The following QSOX2 variants were observed in gnomAD, a reference collection of about 807,000 sequenced individuals.
QSOX2 encodes the protein sulfhydryl oxidase 2.
A neutral mutation model predicts 61.7 loss-of-function variants in QSOX2; 46 were observed. That is an observed-to-expected ratio of 0.75 (90% CI 0.59 to 0.95). QSOX2 has a LOEUF of 0.95. QSOX2 is among the 40% of genes least tolerant of loss of function. QSOX2 has a pLI of 0.00. For missense variants in QSOX2, 879 were observed against 918.9 expected (o/e 0.96, Z 0.56); for synonymous variants, 383 against 388.4 (o/e 0.99, Z 0.16).
chr9:136,220,495 G>A (rs910729194), intron 6 of QSOX2, among the ~76,000 whole-genome samples: 13 of 152,340 alleles, frequency 8.5e-5, no homozygotes, highest in African/African-American at 2.9e-4. Flanking sequence ...CCGGCGTGGT[G>A]AGTCACCAAG....
At chr9:136,237,799 T>A (rs1564298179) in intron 1 of QSOX2, among the ~76,000 whole-genome samples, 1 of 152,220 alleles carries the variant, frequency 6.6e-6, no homozygotes, top group Non-Finnish European at 1.5e-5. Flanking sequence ...CCTGTGCCAG[T>A]GTCCAAGTAG....
At chr9:136,236,716 G>C (rs567159686) in intron 1 of QSOX2, among the ~76,000 whole-genome samples, 1 of 150,904 alleles carries the variant, frequency 6.6e-6, no homozygotes, top group Non-Finnish European at 1.5e-5. Context: ...CCTGCGTCAC[G>C]TGGAGCTCGT....
rs1327243645 is a variant in QSOX2, at chr9:136,222,836, C to T, written c.676-895G>A. ...GCGTGTGTGGAGGCCCCGCCCGAGA[C>T]AGCAAGGGCACGAGGGGCCTTGGGA... On this transcript the variant is annotated intron_variant, in intron 5 of 11. Transcript: ENST00000358701. This position sits in a 1 kb window ranked among gnomAD's most constrained non-coding sequence, Gnocchi z 6.9. Among the ~76,000 whole-genome samples the T allele has an allele frequency of 2.0e-5, 3 of 152,254 alleles. No individual in the cohort carries two copies. The highest frequency in any genetic ancestry group is 1.3e-4 in the Admixed American group (2 of 15,292).
In QSOX2 at chr9:136,224,901, T is replaced by C. The variant is rs752607972; in HGVS notation, c.438A>G (p.Lys146=). 2.8e-5 allele frequency: 45 copies of C among 1,605,212 alleles called. No individual in the cohort carries two copies. Among genetic ancestry groups the C allele is most frequent in the Non-Finnish European group, 3.8e-5 (45 of 1,174,874 alleles). ...IHFYPTFRYF[K]AFTKEFTTGE... is the part of the protein sequence containing the mutation. ...CAGTTGTAAACTCCTTTGTAAATGC[T>C]TTAAAATACTAAGAGGAAAAACACA... Residue 146 remains lysine (K), a synonymous_variant, in exon 3 of 12, where the codon AAA becomes AAG. Transcript: ENST00000358701.
At chr9:136,213,243 GTTTTTTTTTT>G (rs398046934) in intron 10 of QSOX2, among the ~76,000 whole-genome samples, 3 of 111,046 alleles carry the variant, frequency 2.7e-5, no homozygotes, top group Admixed American at 1.9e-4. Flanking sequence ...GTTTTGTTGT[GTTTTTTTTTT>G]TTTTTTTTTT....
rs1001984217 is a variant in QSOX2 at position 136,245,492 on chromosome 9, C to T, written c.312G>A (p.Leu104=). ...CIGYAPTWRA[L]AGDVRDWASA... ...GCGCCTCACCTCGCACATCCCCAGC[C>T]AGGGCCCGCCAAGTGGGCGCGTAGC... Residue 104 remains leucine (L), a synonymous_variant, in exon 1 of 12, where the codon CTG becomes CTA. Transcript: ENST00000358701. The T allele has an allele frequency of 1.3e-6, 2 of 1,592,526 alleles. No homozygotes were observed. The highest frequency in any genetic ancestry group is 8.5e-7 in the Non-Finnish European group (1 of 1,176,948).
At chr9:136,234,928 G>C (rs572570582) in intron 1 of QSOX2, among the ~76,000 whole-genome samples, 1 of 152,218 alleles carries the variant, frequency 6.6e-6, no homozygotes, top group African/African-American at 2.4e-5. Flanking sequence ...TGTGACCCCC[G>C]CTCCCTTTAC....
At chr9:136,237,276 C>A (rs1399438538) in intron 1 of QSOX2, among the ~76,000 whole-genome samples, 1 of 143,946 alleles carries the variant, frequency 6.9e-6, no homozygotes, top group Non-Finnish European at 1.5e-5. Context: ...TCACCTGGAG[C>A]CCGTCCTGGG....
rs1457264060 is a variant in QSOX2, at chr9:136,209,395, G to A, written c.1550-120C>T. 1 of 1,511,300 alleles carries A rather than the reference G, an allele frequency of 6.6e-7. No homozygotes were observed. Among genetic ancestry groups the A allele is most frequent in the African/African-American group, 1.4e-5 (1 of 71,706 alleles). The allele number at this position is 1,511,300 out of a possible 1,614,324, so 93.6% of individuals were successfully genotyped here. On this transcript the variant is annotated intron_variant, in intron 11 of 11. Coordinates refer to ENST00000358701, the MANE Select transcript of QSOX2 (RefSeq NM_181701.4). This position sits in a 1 kb window ranked among gnomAD's most constrained non-coding sequence, Gnocchi z 5.6. Reference sequence around the variant, plus strand: ...CGGGCCTCCACTGCCCTGGCCCAGGGTCCTGCCAGGCCTCCCTCCCTGCCC... The same window carrying A: ...CGGGCCTCCACTGCCCTGGCCCAGGATCCTGCCAGGCCTCCCTCCCTGCCC...
intron 2 of QSOX2, among the ~76,000 whole-genome samples, chr9:136,226,170 G>A (rs1181552833): frequency 1.3e-5 from 2 of 152,226 alleles, no homozygotes; most frequent in African/African-American, 4.8e-5. Context: ...CCAGGAAGTG[G>A]GCCCAAGGCG....
chr9:136,208,695 G>T lies in QSOX2; in HGVS notation c.*33C>A. ...GCACGGGGCAGGGCTGCCTCCAAGG[G>T]AGCTTCCGCCGTGGCTGGCAGCACC... is the stretch of plus-strand genomic sequence containing the variant. On this transcript the variant is annotated 3_prime_UTR_variant, in exon 12 of 12. Transcript: ENST00000358701. 1 of 1,578,670 alleles carries T rather than the reference G, an allele frequency of 6.3e-7. No individual in the cohort carries two copies. Among genetic ancestry groups the T allele is most frequent in the Non-Finnish European group, 8.6e-7 (1 of 1,159,588 alleles).
rs369427786 is a variant in QSOX2 at position 136,216,499 on chromosome 9, G to A, written c.1209+101C>T. 182 of 1,498,820 alleles carry A rather than the reference G, an allele frequency of 1.2e-4. No homozygotes were observed. In the African/African-American group the frequency reaches 1.5e-3, roughly 13 times the overall value. The allele number at this position is 1,498,820 out of a possible 1,614,324, so 92.8% of individuals were successfully genotyped here. ...AGTCACTGCTCCCCTTCCTCACAGCGGAGCCCGGGCCCCGAGCAGGGAGAT... is the reference window on the plus strand; with the variant it reads ...AGTCACTGCTCCCCTTCCTCACAGCAGAGCCCGGGCCCCGAGCAGGGAGAT... On this transcript the variant is annotated intron_variant, in intron 9 of 11. Coordinates refer to ENST00000358701, the MANE Select transcript of QSOX2 (RefSeq NM_181701.4).
At position 136,245,733 on chromosome 9, in the gene QSOX2, C is replaced by T; in HGVS notation, c.71G>A (p.Arg24His). The change falls in exon 1 of 12, where the codon CGC becomes CAC. Residue 24 changes from arginine to histidine, a missense_variant. Transcript: ENST00000358701. ...IGAGPALRAR[R>H]SPPPRAARLP... is the part of the protein sequence containing the mutation. ...CCGTGCGGCCCGCGGCGGGGGCGAG[C>T]GCCGGGCTCTCAGCGCAGGTCCCGC... 1 of 1,144,880 alleles carries T rather than the reference C, an allele frequency of 8.7e-7. No individual in the cohort carries two copies. The highest frequency in any genetic ancestry group is 1.1e-6 in the Non-Finnish European group (1 of 932,786). The allele number at this position is 1,144,880 out of a possible 1,614,324, so 70.9% of individuals were successfully genotyped here. A position where few individuals can be genotyped will look rare whatever the true frequency, so the allele number is the denominator to read the frequency against.
In QSOX2 at chr9:136,226,889, C is replaced by T. The variant is rs187739900; in HGVS notation, c.329-15G>A. On this transcript the variant is annotated splice_polypyrimidine_tract_variant and intron_variant, in intron 1 of 11. Transcript: ENST00000358701. Reference sequence around the variant, plus strand: ...ACTGGCCCAGTCTGAAAAGCAGGAGCATGACCTTCAGTGTGGTGAGCACTG... The same window carrying T: ...ACTGGCCCAGTCTGAAAAGCAGGAGTATGACCTTCAGTGTGGTGAGCACTG... The T allele has an allele frequency of 2.5e-6, 4 of 1,611,482 alleles. No homozygotes were observed. The African/African-American group carries it at 4.0e-5, about 16-fold the overall frequency.
At chr9:136,226,334 G>A (rs1830280379) in intron 2 of QSOX2, among the ~76,000 whole-genome samples, 1 of 152,198 alleles carries the variant, frequency 6.6e-6, no homozygotes, top group Non-Finnish European at 1.5e-5. Flanking sequence ...GGCTGACTTT[G>A]GCTGGGGAAG....
chr9:136,212,630 G>C (rs1831860769), intron 10 of QSOX2, among the ~76,000 whole-genome samples: 2 of 152,134 alleles, frequency 1.3e-5, no homozygotes. Context: ...CCTGTGACCC[G>C]GCCCGTCTGC....
intron 1 of QSOX2, among the ~76,000 whole-genome samples, chr9:136,231,362 CCT>C (rs1455348038): frequency 6.6e-6 from 1 of 152,246 alleles, no homozygotes; most frequent in Non-Finnish European, 1.5e-5. Context: ...TCAGCTACGC[CCT>C]GAGGCAAACA....
rs766805831 is a variant in QSOX2 at position 136,223,162 on chromosome 9, G to T, written c.675+601C>A. 1.3e-5 allele frequency among the ~76,000 whole-genome samples: 2 copies of T among 152,168 alleles called. No homozygotes were observed. Among genetic ancestry groups the T allele is most frequent in the Non-Finnish European group, 2.9e-5 (2 of 68,040 alleles). The stretch of plus-strand genomic sequence containing the variant: ...TCGCCTATCAAGTTGCAAGGAGGAG[G>T]AGGAGAAGCTCAGGGTGAGTGCTGG... On this transcript the variant is annotated intron_variant, in intron 5 of 11. Transcript: ENST00000358701. This position sits in a 1 kb window ranked among gnomAD's most constrained non-coding sequence, Gnocchi z 4.4.
At chr9:136,210,585 G>A (rs1831832599) in intron 11 of QSOX2, 7 of 985,434 alleles carry the variant, frequency 7.1e-6, no homozygotes, top group South Asian at 4.7e-5. Flanking sequence ...CAGCGCCTTC[G>A]TCACATGACC....
Sources: gnomAD v4.1 joint callset for allele counts (sites outside exome capture counted in the v4.1 genomes callset) on GRCh38, gnomAD v4.1.1 for gene constraint, Gnocchi (gnomAD v3.1) non-coding constraint, MANE v1.5 for transcripts, NCBI Gene and HGNC (gene_info 2026-07-23, HGNC 2026-07-21) for gene names.